Variants in ACTR3C observed in about 807,000 individuals in gnomAD.
The protein encoded by ACTR3C is actin-related protein 3C.
A neutral mutation model predicts 26.3 loss-of-function variants in ACTR3C; 18 were observed. The ratio of observed to expected loss-of-function variants is 0.68; its 90% CI spans 0.47 to 1.01. The LOEUF is 1.01. ACTR3C is among the 50% of genes least tolerant of loss of function. ACTR3C has a pLI of 0.00. For synonymous variants in ACTR3C, 55 were observed against 94.5 expected, an observed-to-expected ratio of 0.58 and a Z score of 2.42; for missense variants, 184 against 250.7, an observed-to-expected ratio of 0.73 and a Z score of 1.80.
the ACTR3C span, among the ~76,000 whole-genome samples, chr7:149,903,867 TTGTTG>T: frequency 2.7e-4 from 14 of 51,134 alleles, no homozygotes; most frequent in African/African-American, 6.0e-4. Flanking sequence ...TGTAAGGGCG[TTGTTG>T]TTGTTGTTGT....
intron 6 of ACTR3C, among the ~76,000 whole-genome samples, chr7:150,277,314 GA>G (rs1259715175): frequency 6.6e-6 from 1 of 152,110 alleles, no homozygotes; most frequent in Non-Finnish European, 1.5e-5. Flanking sequence ...TCTCTTAAAA[GA>G]AAAAGAGATC....
chr7:150,278,827 C>T (rs540471770), intron 6 of ACTR3C, among the ~76,000 whole-genome samples: 8 of 152,252 alleles, frequency 5.3e-5, no homozygotes, highest in Admixed American at 2.0e-4. Context: ...GGAACCTTCT[C>T]TGCCCACTAG....
At chr7:150,257,865 T>C (rs1352344788) in intron 6 of ACTR3C, among the ~76,000 whole-genome samples, 1 of 151,940 alleles carries the variant, frequency 6.6e-6, no homozygotes, top group South Asian at 2.1e-4. Flanking sequence ...TCATCAATAA[T>C]AAGTTTGGTG....
At chr7:150,200,804 G>T in the ACTR3C span, among the ~76,000 whole-genome samples, 2 of 137,832 alleles carry the variant, frequency 1.5e-5, no homozygotes, top group African/African-American at 5.3e-5. Flanking sequence ...ATTACTGAGA[G>T]GGTTAAGTGA....
At chr7:150,077,479 T>C in the ACTR3C span, among the ~76,000 whole-genome samples, 15 of 152,052 alleles carry the variant, frequency 9.9e-5, no homozygotes, top group African/African-American at 3.6e-4. Context: ...CCAGGCAGGG[T>C]TCGTGCAATC....
At chr7:150,091,753 C>T in the ACTR3C span, among the ~76,000 whole-genome samples, 1,364 of 146,852 alleles carry the variant, frequency 9.3e-3, 4 homozygotes, top group African/African-American at 0.014. Flanking sequence ...GAGGCCGAGG[C>T]GGGCGGATCA....
chr7:150,320,461 A>C (rs946463146), intron 1 of ACTR3C, among the ~76,000 whole-genome samples: 2 of 152,188 alleles, frequency 1.3e-5, no homozygotes, highest in African/African-American at 4.8e-5. Flanking sequence ...TATAGTTTAA[A>C]TTAAGAATGC....
the ACTR3C span, among the ~76,000 whole-genome samples, chr7:150,174,497 C>G: frequency 7.1e-6 from 1 of 140,538 alleles, no homozygotes; most frequent in Non-Finnish European, 1.5e-5. Flanking sequence ...GGTGGGGACA[C>G]AGCCAGACCA....
the ACTR3C span, among the ~76,000 whole-genome samples, chr7:150,220,678 C>CA: frequency 8.4e-3 from 1,272 of 152,176 alleles, no homozygotes; most frequent in African/African-American, 0.029. Flanking sequence ...GCCAGGGGGA[C>CA]GCAGGACTAG....
intron 6 of ACTR3C, among the ~76,000 whole-genome samples, chr7:150,260,810 A>G (rs1833582009): frequency 6.6e-6 from 1 of 152,180 alleles, no homozygotes; most frequent in Non-Finnish European, 1.5e-5. Flanking sequence ...TAGAAGCAAA[A>G]CAGAACTTTA....
intron 6 of ACTR3C, chr7:150,264,729 A>C (rs1833900664): frequency 1.0e-6 from 1 of 973,564 alleles, no homozygotes; most frequent in Admixed American, 6.2e-5. Context: ...TGGCAAGTGG[A>C]CAAGATGGTC....
At chr7:150,011,656 C>T in the ACTR3C span, among the ~76,000 whole-genome samples, 1 of 152,038 alleles carries the variant, frequency 6.6e-6, no homozygotes, top group Admixed American at 6.6e-5. Flanking sequence ...AATAGAAAGC[C>T]ATGGCTTCTT....
the ACTR3C span, among the ~76,000 whole-genome samples, chr7:149,976,020 T>C: frequency 1.3e-5 from 2 of 152,236 alleles, no homozygotes; most frequent in Non-Finnish European, 2.9e-5. Flanking sequence ...AACCCTTTCG[T>C]TGGACTAGAC....
chr7:150,264,273 C>T (rs188358225), intron 6 of ACTR3C, among the ~76,000 whole-genome samples: 39 of 152,338 alleles, frequency 2.6e-4, no homozygotes, highest in African/African-American at 8.7e-4. Context: ...CAGCTCAGCA[C>T]GGAATAGAGC....
the ACTR3C span, among the ~76,000 whole-genome samples, chr7:150,038,091 C>G: frequency 4.4e-5 from 6 of 137,546 alleles, no homozygotes; most frequent in Admixed American, 3.5e-4. Context: ...GGTGCCTCCC[C>G]CCCTGTGATG....
At chr7:150,089,165 G>T in the ACTR3C span, among the ~76,000 whole-genome samples, 2 of 152,118 alleles carry the variant, frequency 1.3e-5, no homozygotes, top group Non-Finnish European at 2.9e-5. Flanking sequence ...TTTTAGATCT[G>T]ACAGCCCACT....
the ACTR3C span, among the ~76,000 whole-genome samples, chr7:149,956,491 T>C: frequency 6.6e-6 from 1 of 152,250 alleles, no homozygotes; most frequent in African/African-American, 2.4e-5. Flanking sequence ...GCAAGTGGCA[T>C]GAACTATACT....
chr7:149,962,804 C>T, the ACTR3C span, among the ~76,000 whole-genome samples: 1 of 152,170 alleles, frequency 6.6e-6, no homozygotes, highest in Admixed American at 6.5e-5. Context: ...GTGTGCACAT[C>T]CTCGGCATTC....
chr7:150,176,504 A>C, the ACTR3C span, among the ~76,000 whole-genome samples: 3 of 151,000 alleles, frequency 2.0e-5, no homozygotes, highest in Admixed American at 2.0e-4. Context: ...TTTTACAAAA[A>C]TGGACATGAC....
Sources: gnomAD v4.1 joint callset for allele counts (sites outside exome capture counted in the v4.1 genomes callset) on GRCh38, gnomAD v4.1.1 for gene constraint, MANE v1.5 for transcripts, NCBI Gene and HGNC (gene_info 2026-07-23, HGNC 2026-07-21) for gene names.